ERC1: variants seen among roughly 807,000 people sequenced by gnomAD.
ERC1 encodes RAB6 interacting protein 2.
A neutral mutation model predicts 132.0 loss-of-function variants in ERC1; 56 were observed. The ratio of observed to expected loss-of-function variants is 0.42; its 90% CI spans 0.34 to 0.53. The LOEUF (loss-of-function observed/expected upper bound fraction) is 0.53. ERC1 is among the 20% of genes least tolerant of loss of function. ERC1 has a pLI of 0.03. For missense variants in ERC1, 1,202 were observed against 1,349.9 expected, an observed-to-expected ratio of 0.89 and a Z score of 1.72; for synonymous variants, 478 against 476.1, an observed-to-expected ratio of 1.00 and a Z score of -0.05.
intron 15 of ERC1, among the ~76,000 whole-genome samples, chr12:1,346,550 G>A (rs1055622914): frequency 6.6e-6 from 1 of 152,136 alleles, no homozygotes; most frequent in African/African-American, 2.4e-5. Context: ...TCATTTCTAG[G>A]AGAACAACTG....
At chr12:1,210,221 C>T (rs1957739709) in intron 12 of ERC1, among the ~76,000 whole-genome samples, 1 of 152,142 alleles carries the variant, frequency 6.6e-6, no homozygotes, top group African/African-American at 2.4e-5. Context: ...TTCTGTTGTC[C>T]ATGTATGTGG....
chr12:1,225,591 G>A (rs1170587224), intron 12 of ERC1, among the ~76,000 whole-genome samples: 1 of 151,954 alleles, frequency 6.6e-6, no homozygotes, highest in Non-Finnish European at 1.5e-5. Flanking sequence ...ATGATTTGTA[G>A]GTAAAGTAGG....
chr12:1,035,057 G>A (rs1189451049), intron 2 of ERC1, among the ~76,000 whole-genome samples: 1 of 152,140 alleles, frequency 6.6e-6, no homozygotes, highest in Non-Finnish European at 1.5e-5. Context: ...TCCAAAAAAC[G>A]AAGGGTGCAA....
At chr12:1,200,607 G>C (rs1956817994) in intron 12 of ERC1, among the ~76,000 whole-genome samples, 1 of 151,030 alleles carries the variant, frequency 6.6e-6, no homozygotes, top group Admixed American at 6.6e-5. Flanking sequence ...CGCCCAGGCT[G>C]GAGTGCAGTG....
At chr12:1,479,671 C>G (rs1479084259) in intron 18 of ERC1, among the ~76,000 whole-genome samples, 1 of 152,132 alleles carries the variant, frequency 6.6e-6, no homozygotes, top group Non-Finnish European at 1.5e-5. Context: ...GGATTCAGTG[C>G]CCTCAGAAGC....
At chr12:1,294,608 T>A (rs2079770353) in intron 15 of ERC1, among the ~76,000 whole-genome samples, 1 of 152,218 alleles carries the variant, frequency 6.6e-6, no homozygotes. Flanking sequence ...ACTTTTTCCT[T>A]ATCTTTTCTT....
intron 11 of ERC1, among the ~76,000 whole-genome samples, chr12:1,189,316 G>A (rs534818801): frequency 1.1e-4 from 16 of 152,274 alleles, no homozygotes; most frequent in African/African-American, 3.9e-4. Flanking sequence ...GGTAGCAGCT[G>A]TTTTCTTAAC....
intron 16 of ERC1, among the ~76,000 whole-genome samples, chr12:1,381,478 C>A (rs958887312): frequency 6.6e-6 from 1 of 152,126 alleles, no homozygotes; most frequent in Non-Finnish European, 1.5e-5. Context: ...AGATTACACA[C>A]GTGAGCCACC....
chr12:1,493,991 C>G lies in ERC1; in HGVS notation c.*3761C>G, dbSNP rs1213348965. The G allele has an allele frequency of 4.3e-6, 1 of 232,364 alleles. No individual in the cohort carries two copies. The highest frequency in any genetic ancestry group is 8.5e-6 in the Non-Finnish European group (1 of 117,572). 14.4% of individuals were successfully genotyped at this position (232,364 alleles called of 1,614,324 possible). ...TGGCATTTGGATTTGCTGCCAGAGT[C>G]CTGTTCCTCCCAGAACCATCCCGCC... On this transcript the variant is annotated 3_prime_UTR_variant, in exon 19 of 19. Transcript: ENST00000360905.
chr12:1,171,560 T>C (rs985578866), intron 8 of ERC1, among the ~76,000 whole-genome samples: 3 of 152,126 alleles, frequency 2.0e-5, no homozygotes, highest in African/African-American at 7.2e-5. Context: ...CTGCCATCAA[T>C]ACTGAAAGGT....
intron 8 of ERC1, 31 bp downstream of exon 8, chr12:1,141,818 C>G (rs1244141018): frequency 1.3e-6 from 2 of 1,502,268 alleles, no homozygotes; most frequent in Non-Finnish European, 1.8e-6. Flanking sequence ...GTTCAGTGGC[C>G]CATTCCTCAT....
At chr12:1,282,632 C>G (rs1218969182) in intron 14 of ERC1, among the ~76,000 whole-genome samples, 1 of 152,110 alleles carries the variant, frequency 6.6e-6, no homozygotes, top group Non-Finnish European at 1.5e-5. Context: ...GTTGTGAGAT[C>G]CTCTAAAGGA....
chr12:1,422,651 A>G (rs2092470613), intron 17 of ERC1, among the ~76,000 whole-genome samples: 1 of 152,168 alleles, frequency 6.6e-6, no homozygotes, highest in Admixed American at 6.5e-5. Context: ...ATAGTGCTGC[A>G]CTAAACATGG....
intron 18 of ERC1, among the ~76,000 whole-genome samples, chr12:1,468,165 G>A (rs373444291): frequency 6.6e-6 from 1 of 152,294 alleles, no homozygotes; most frequent in East Asian, 1.9e-4. Flanking sequence ...AAGTAAGTAA[G>A]CCACAGATAG....
intron 17 of ERC1, among the ~76,000 whole-genome samples, chr12:1,436,028 A>G (rs2092936978): frequency 6.6e-6 from 1 of 152,154 alleles, no homozygotes; most frequent in South Asian, 2.1e-4. Context: ...AGCTGTGAGC[A>G]CTCAGCAGTA....
At chr12:1,264,629 A>G (rs966876960) in intron 14 of ERC1, among the ~76,000 whole-genome samples, 2 of 152,070 alleles carry the variant, frequency 1.3e-5, no homozygotes, top group African/African-American at 4.8e-5. Flanking sequence ...GCACCACTGC[A>G]CTCCAGCCTG....
intron 3 of ERC1, among the ~76,000 whole-genome samples, chr12:1,093,098 T>G (rs1421518964): frequency 4.6e-5 from 7 of 152,244 alleles, no homozygotes; most frequent in Non-Finnish European, 1.0e-4. Flanking sequence ...TGAAATAAGA[T>G]AGCATTAAAA....
chr12:1,204,937 G>A (rs73025607), intron 12 of ERC1, among the ~76,000 whole-genome samples: 131 of 152,148 alleles, frequency 8.6e-4, no homozygotes, highest in Admixed American at 2.4e-3. Flanking sequence ...TTACTGAGAC[G>A]AACTTTCAGA....
At chr12:1,116,224 T>TA in intron 7 of ERC1, 191 bp downstream of exon 7, 1 of 469,396 alleles carries the variant, frequency 2.1e-6, no homozygotes, top group Non-Finnish European at 3.7e-6. Context: ...TCTAACAAGT[T>TA]AAAACAGGTG....
Sources: allele counts gnomAD v4.1 joint callset (sites outside exome capture counted in the v4.1 genomes callset), GRCh38; gene constraint gnomAD v4.1.1; transcripts MANE v1.5; gene names NCBI Gene and HGNC (gene_info 2026-07-23, HGNC 2026-07-21).